ATXN1: variants seen among roughly 807,000 people sequenced by gnomAD.
ATXN1 encodes the protein ataxin 1.
A neutral mutation model predicts 56.4 loss-of-function variants in ATXN1; 8 were observed. That is an observed-to-expected ratio of 0.14 (90% CI 0.08 to 0.26). The LOEUF is 0.26. ATXN1 is among the 10% of genes least tolerant of loss of function. The pLI is 1.00. For synonymous variants in ATXN1, 514 were observed against 494.6 expected (o/e 1.04, Z -0.52); for missense variants, 987 against 1,106.5 (o/e 0.89, Z 1.53).
chr6:16,621,453 G>A (rs969236953), intron 3 of ATXN1, among the ~76,000 whole-genome samples: 17 of 152,226 alleles, frequency 1.1e-4, no homozygotes, highest in African/African-American at 3.9e-4. Context: ...CAGGCCCGGC[G>A]GCTCATGCCT....
chr6:16,354,581 GA>G (rs1258310876), intron 6 of ATXN1, among the ~76,000 whole-genome samples: 6 of 152,076 alleles, frequency 3.9e-5, no homozygotes, highest in Non-Finnish European at 8.8e-5. Context: ...GTTACACATG[GA>G]ATTTGTTTGT....
At chr6:16,605,990 T>A (rs1327085605) in intron 3 of ATXN1, among the ~76,000 whole-genome samples, 1 of 151,950 alleles carries the variant, frequency 6.6e-6, no homozygotes, top group Non-Finnish European at 1.5e-5. Flanking sequence ...ATTAGCCAGG[T>A]GTGGTGGCAC....
At chr6:16,422,029 C>A (rs1759047201) in intron 6 of ATXN1, among the ~76,000 whole-genome samples, 1 of 151,210 alleles carries the variant, frequency 6.6e-6, no homozygotes, top group Non-Finnish European at 1.5e-5. Flanking sequence ...AGATCTTCAT[C>A]TTTTGAAGTA....
intron 6 of ATXN1, among the ~76,000 whole-genome samples, chr6:16,482,110 C>T (rs1760452478): frequency 6.6e-6 from 1 of 152,048 alleles, no homozygotes; most frequent in Non-Finnish European, 1.5e-5. Context: ...CCATCCCTTC[C>T]CCACACCCTT....
chr6:16,575,903 A>C (rs1017333731), intron 4 of ATXN1, among the ~76,000 whole-genome samples: 4 of 152,196 alleles, frequency 2.6e-5, no homozygotes, highest in Admixed American at 2.6e-4. Flanking sequence ...CTCTATAAAA[A>C]TCAATGGGCA....
chr6:16,401,157 C>T (rs1411666805), intron 6 of ATXN1, among the ~76,000 whole-genome samples: 1 of 152,174 alleles, frequency 6.6e-6, no homozygotes, highest in African/African-American at 2.4e-5. Context: ...AGTGGCTTTC[C>T]AGGTCTACAT....
intron 3 of ATXN1, among the ~76,000 whole-genome samples, chr6:16,595,197 G>A (rs1415102456): frequency 1.3e-5 from 2 of 152,198 alleles, no homozygotes; most frequent in African/African-American, 2.4e-5. Context: ...TAGATGGGGG[G>A]AAGGCTTAGC....
chr6:16,450,603 C>T (rs1759734402), intron 6 of ATXN1, among the ~76,000 whole-genome samples: 1 of 152,198 alleles, frequency 6.6e-6, no homozygotes, highest in Admixed American at 6.5e-5. Context: ...TCCATCGAGC[C>T]TCTTTTATCT....
At chr6:16,468,370 T>C (rs1760149528) in intron 6 of ATXN1, among the ~76,000 whole-genome samples, 1 of 152,116 alleles carries the variant, frequency 6.6e-6, no homozygotes, top group African/African-American at 2.4e-5. Context: ...TTTGTATTTT[T>C]AGTAGAGACG....
intron 4 of ATXN1, among the ~76,000 whole-genome samples, chr6:16,536,954 C>G (rs1047925043): frequency 6.6e-6 from 1 of 152,060 alleles, no homozygotes; most frequent in Non-Finnish European, 1.5e-5. Context: ...ACATTTATAA[C>G]ACATGTATTT....
intron 5 of ATXN1, among the ~76,000 whole-genome samples, chr6:16,496,927 T>C (rs1008697933): frequency 1.3e-5 from 2 of 152,154 alleles, no homozygotes; most frequent in Non-Finnish European, 2.9e-5. Flanking sequence ...ATTTAGGGGT[T>C]TATCCTAGTA....
chr6:16,732,172 G>A (rs1237242253), intron 2 of ATXN1, among the ~76,000 whole-genome samples: 1 of 152,036 alleles, frequency 6.6e-6, no homozygotes, highest in African/African-American at 2.4e-5. Flanking sequence ...TTTTCTCCAA[G>A]CAAAAAGATG....
At chr6:16,552,897 C>CT (rs1481216266) in intron 4 of ATXN1, among the ~76,000 whole-genome samples, 1 of 152,260 alleles carries the variant, frequency 6.6e-6, no homozygotes, top group African/African-American at 2.4e-5. Flanking sequence ...CCTCTTCTGT[C>CT]TAAGGATGTG....
chr6:16,706,800 GACTGGGACAA>G (rs200088633), intron 2 of ATXN1, among the ~76,000 whole-genome samples: 224 of 151,476 alleles, frequency 1.5e-3, no homozygotes, highest in Non-Finnish European at 2.7e-3. Flanking sequence ...AAATAAACCA[GACTGGGACAA>G]GAATTCAGGC....
intron 2 of ATXN1, among the ~76,000 whole-genome samples, chr6:16,691,157 G>A (rs191068741): frequency 3.9e-5 from 6 of 152,270 alleles, no homozygotes; most frequent in East Asian, 3.9e-4. Flanking sequence ...TGTAAGTGTC[G>A]CAGAAATATC....
At chr6:16,468,429 T>G (rs1290412795) in intron 6 of ATXN1, among the ~76,000 whole-genome samples, 2 of 152,214 alleles carry the variant, frequency 1.3e-5, no homozygotes, top group Admixed American at 6.5e-5. Context: ...GACATCGTGA[T>G]CTGCCCGCCT....
chr6:16,365,069 T>TA lies in ATXN1; in HGVS notation c.-160-36600_-160-36599insT, dbSNP rs774765335. On this transcript the variant is annotated intron_variant, in intron 6 of 7. Coordinates refer to ENST00000436367, the MANE Select transcript of ATXN1 (RefSeq NM_001128164.2). ...TTTTCTTTTTTCATATATATATATA[T>TA]TTTATTACACTTTAAGTTCTAGGGT... Among the ~76,000 whole-genome samples, 445 of 150,646 alleles carry TA rather than the reference T, an allele frequency of 3.0e-3. 2 individuals are homozygous for TA. The highest frequency in any genetic ancestry group is 4.3e-3 in the Non-Finnish European group (290 of 67,488).
Position 16,327,313 on chromosome 6 carries a change from C to T in ATXN1, c.998G>A (p.Arg333Gln), listed in dbSNP as rs773660245. ...VLNGEMEKSR[R>Q]YGAPSSADLG... ...GTCGGCTGAGGACGGGGCCCCGTAC[C>T]GCCGGCTCTTCTCCATCTCACCGTT... The change falls in exon 7 of 8, where the codon CGG becomes CAG. Residue 333 changes from arginine to glutamine, a missense_variant. By Grantham distance (43) the Arg-to-Gln change is conservative. Around this residue, in one of 3 missense-constraint regions of ATXN1, gnomAD observed 723 missense variants for 791.7 expected, o/e 0.91. Transcript: ENST00000436367. 1.3e-5 allele frequency: 21 copies of T among 1,612,998 alleles called. 1 individual carries two copies. The highest frequency in any genetic ancestry group is 1.6e-4 in the Middle Eastern group (1 of 6,084).
At chr6:16,543,977 T>C (rs561859867) in intron 4 of ATXN1, among the ~76,000 whole-genome samples, 1 of 152,292 alleles carries the variant, frequency 6.6e-6, no homozygotes, top group East Asian at 1.9e-4. Flanking sequence ...TTTTTTACTA[T>C]CAAGTCTGAA....
Sources: gnomAD v4.1 joint callset for allele counts (sites outside exome capture counted in the v4.1 genomes callset) on GRCh38, gnomAD v4.1.1 for gene constraint, gnomAD v4.1.1 regional missense constraint, MANE v1.5 for transcripts, NCBI Gene and HGNC (gene_info 2026-07-23, HGNC 2026-07-21) for gene names.